Variants in ASPHD1 observed in about 807,000 individuals in gnomAD.
ASPHD1 encodes aspartate beta-hydroxylase domain-containing protein 1.
Under a neutral mutation model 28.3 loss-of-function variants are expected in ASPHD1, and 20 were observed. The observed-to-expected ratio is 0.71, with a 90% CI of 0.50 to 1.03. The LOEUF (loss-of-function observed/expected upper bound fraction) is 1.03. Among genes scored for constraint, ASPHD1 ranks in the 50% least tolerant of loss-of-function variants. The probability of loss-of-function intolerance (pLI) is 0.00; values close to 1 mark genes in which losing one functional copy is unlikely to be tolerated. For synonymous variants in ASPHD1, 240 were observed against 221.2 expected, an observed-to-expected ratio of 1.08 and a Z score of -0.75; for missense variants, 479 against 524.1, an observed-to-expected ratio of 0.91 and a Z score of 0.84.
At chr16:29,902,186 A>T (rs546610493) in intron 1 of ASPHD1, among the ~76,000 whole-genome samples, 1 of 152,312 alleles carries the variant, frequency 6.6e-6, no homozygotes, top group African/African-American at 2.4e-5. Context: ...TAAAAGAAAT[A>T]TTTATAGCAC....
At chr16:29,906,635 G>C, downstream of ASPHD1, 1 of 668,030 alleles carries the variant, frequency 1.5e-6, no homozygotes, top group African/African-American at 1.8e-5. Context: ...CAGGGCCAGG[G>C]TGGGGACAAG....
intron 3 of ASPHD1, among the ~76,000 whole-genome samples, chr16:29,918,101 T>C (rs2068841467): frequency 6.6e-6 from 1 of 152,236 alleles, no homozygotes; most frequent in South Asian, 2.1e-4. Flanking sequence ...ATGGAAAGCA[T>C]GACTTTACAA....
In ASPHD1 at chr16:29,905,998, GGC is replaced by G; in HGVS notation, c.*103_*104del. 1.6e-5 allele frequency: 11 copies of G among 672,514 alleles called. No individual in the cohort carries two copies. The highest frequency in any genetic ancestry group is 3.2e-5 in the East Asian group (1 of 31,462). 41.7% of individuals were successfully genotyped at this position (672,514 alleles called of 1,614,324 possible). A position where few individuals can be genotyped will look rare whatever the true frequency, so the allele number is the denominator to read the frequency against. Reference sequence around the variant, plus strand: ...CCTCTCTACTGCGGGGGTGGGCGGGGGCGGAGGATGGGAACTGGCTAGTGAGC... The same window carrying G: ...CCTCTCTACTGCGGGGGTGGGCGGGGGGAGGATGGGAACTGGCTAGTGAGC... On this transcript the variant is annotated 3_prime_UTR_variant, in exon 3 of 3. Coordinates refer to ENST00000308748, the MANE Select transcript of ASPHD1 (RefSeq NM_181718.4).
chr16:29,908,466 C>A (rs1485516208), downstream of ASPHD1, among the ~76,000 whole-genome samples: 3 of 152,080 alleles, frequency 2.0e-5, no homozygotes, highest in Non-Finnish European at 2.9e-5. Flanking sequence ...CTCACTGCAA[C>A]CTCCACTTCC....
chr16:29,919,329 T>C (rs1239814133), intron 3 of ASPHD1, among the ~76,000 whole-genome samples: 1 of 152,230 alleles, frequency 6.6e-6, no homozygotes, highest in Non-Finnish European at 1.5e-5. Flanking sequence ...GTAATGCTTA[T>C]GGTATTATTT....
At chr16:29,910,324 G>A (rs2068684251), downstream of ASPHD1, among the ~76,000 whole-genome samples, 1 of 152,004 alleles carries the variant, frequency 6.6e-6, no homozygotes, top group African/African-American at 2.4e-5. Context: ...CTTGAACCTG[G>A]GAGGTAGAGG....
chr16:29,905,746 C>T, intron 2 of ASPHD1, 42 bp from the exon 3 acceptor site: 1 of 1,448,966 alleles, frequency 6.9e-7, no homozygotes, highest in Admixed American at 1.7e-5. Context: ...GTGCAAGTAC[C>T]TAATGTCAGT....
At chr16:29,911,766 T>C (rs1263481129) in intron 3 of ASPHD1, 2 of 1,599,356 alleles carry the variant, frequency 1.3e-6, no homozygotes, top group East Asian at 4.5e-5. Flanking sequence ...GAAGCAGGGC[T>C]GTGCTGCATC....
downstream of ASPHD1, among the ~76,000 whole-genome samples, chr16:29,909,050 GATTCATTC>G (rs35566440): frequency 6.6e-6 from 1 of 151,168 alleles, no homozygotes; most frequent in Non-Finnish European, 1.5e-5. Flanking sequence ...CTGGGTCACT[GATTCATTC>G]ATTCATTCAT....
intron 3 of ASPHD1, chr16:29,911,806 G>C: frequency 6.2e-7 from 1 of 1,612,328 alleles, no homozygotes; most frequent in Admixed American, 1.7e-5. Flanking sequence ...CCCGCACCCC[G>C]GCGGTCACCT....
chr16:29,905,594 C>G (rs1389811138), intron 2 of ASPHD1, among the ~76,000 whole-genome samples, 194 bp from the exon 3 acceptor site: 4 of 142,864 alleles, frequency 2.8e-5, no homozygotes, highest in Non-Finnish European at 6.0e-5. Flanking sequence ...CGCCACTGCA[C>G]TCCAGCCTGG....
chr16:29,911,912 A>G (rs1391165004), intron 3 of ASPHD1: 6 of 1,608,014 alleles, frequency 3.7e-6, no homozygotes, highest in Non-Finnish European at 5.1e-6. Flanking sequence ...GGCTGCAGGG[A>G]GAGGCCCCCC....
In ASPHD1 at chr16:29,901,763, C is replaced by T. The variant is rs774259149; in HGVS notation, c.792C>T (p.Asn264=). The T allele has an allele frequency of 4.5e-6, 7 of 1,551,314 alleles. No individual in the cohort carries two copies. In the East Asian group the frequency reaches 1.4e-4, roughly 30 times the overall value. The change falls in exon 1 of 3, where the codon AAC becomes AAT. Residue 264 remains asparagine (N), a synonymous_variant. Transcript: ENST00000308748. This position sits in a 1 kb window ranked among gnomAD's most constrained non-coding sequence, Gnocchi z 5.1. ...AAGCAGGCCGGTGCCAACCCAGCAA[C>T]TGCCGCCGGTGCCCGGGGGCCTATC... is the stretch of plus-strand genomic sequence containing the variant. ...LYQAGRCQPS[N]CRRCPGAYRA... is the part of the protein sequence containing the mutation.
downstream of ASPHD1, chr16:29,907,155 C>T (rs766481071): frequency 1.2e-5 from 17 of 1,372,830 alleles, no homozygotes; most frequent in East Asian, 9.2e-5. Flanking sequence ...GGTGCAGTCA[C>T]GCAGGGCCAT....
Position 29,905,988 on chromosome 16 carries a change from GGTGGGC to G in ASPHD1, c.*93_*98del. 1.3e-6 allele frequency: 1 copy of G among 794,384 alleles called. No homozygotes were observed. The highest frequency in any genetic ancestry group is 2.0e-6 in the Non-Finnish European group (1 of 501,488). 49.2% of individuals were successfully genotyped at this position (794,384 alleles called of 1,614,324 possible). On this transcript the variant is annotated 3_prime_UTR_variant, in exon 3 of 3. Transcript: ENST00000308748. ...GCCAGGACCTCCTCTCTACTGCGGG[GGTGGGC>G]GGGGGCGGAGGATGGGAACTGGCTA...
chr16:29,911,423 G>A (rs1479885662), intron 3 of ASPHD1: 8 of 560,254 alleles, frequency 1.4e-5, no homozygotes, highest in Non-Finnish European at 2.5e-5. Context: ...CCACCTCCCC[G>A]GGGGTCCTGG....
intron 3 of ASPHD1, chr16:29,911,947 T>C: frequency 1.9e-6 from 3 of 1,610,692 alleles, no homozygotes; most frequent in Non-Finnish European, 2.5e-6. Context: ...CCTGCAGGGC[T>C]TGGGGGCCTC....
At chr16:29,912,275 G>A (rs1197764047) in intron 3 of ASPHD1, 2 of 577,038 alleles carry the variant, frequency 3.5e-6, no homozygotes, top group Non-Finnish European at 6.0e-6. Flanking sequence ...GCCTGCCCCG[G>A]CCACTGGCTG....
rs1318110395 is a variant in ASPHD1 at position 29,904,881 on chromosome 16, G to C, written c.979G>C (p.Val327Leu). The C allele has an allele frequency of 2.5e-6, 4 of 1,613,016 alleles. No homozygotes were observed. Among genetic ancestry groups the C allele is most frequent in the Non-Finnish European group, 3.4e-6 (4 of 1,179,716 alleles). The change falls in exon 2 of 3, where the codon GTG becomes CTG. Residue 327 changes from valine to leucine, a missense_variant. Val to Leu is a conservative substitution (Grantham distance 32, BLOSUM62 1). Coordinates refer to ENST00000308748, the MANE Select transcript of ASPHD1 (RefSeq NM_181718.4). ...AAAGATCCCTCCTGGCTGTGAGCTGGTGGTCGGCGGTGAGCCCCAGTGCTG... is the reference window on the plus strand; with the variant it reads ...AAAGATCCCTCCTGGCTGTGAGCTGCTGGTCGGCGGTGAGCCCCAGTGCTG... ...GLKIPPGCEL[V>L]VGGEPQCWAE...
Sources: allele counts gnomAD v4.1 joint callset (sites outside exome capture counted in the v4.1 genomes callset), GRCh38; gene constraint gnomAD v4.1.1; non-coding constraint Gnocchi (gnomAD v3.1); transcripts MANE v1.5; gene names NCBI Gene and HGNC (gene_info 2026-07-23, HGNC 2026-07-21).